Variants in LDLRAD4 observed in about 807,000 individuals in gnomAD.
LDLRAD4 encodes the protein low-density lipoprotein receptor class A domain-containing protein 4.
A neutral mutation model predicts 17.0 loss-of-function variants in LDLRAD4; 5 were observed. That is an observed-to-expected ratio of 0.29 (90% confidence interval 0.15 to 0.62). LDLRAD4 has a LOEUF of 0.62. LDLRAD4 is among the 20% of genes least tolerant of loss of function. The probability of loss-of-function intolerance (pLI) is 0.84; values close to 1 mark genes in which losing one functional copy is unlikely to be tolerated. For missense variants in LDLRAD4, 340 were observed against 424.7 expected (o/e 0.80, Z 1.75); for synonymous variants, 168 against 171.8 (o/e 0.98, Z 0.17).
chr18:13,529,495 TAGAA>T (rs1407803168), intron 3 of LDLRAD4, among the ~76,000 whole-genome samples: 7 of 152,192 alleles, frequency 4.6e-5, no homozygotes, highest in Admixed American at 1.3e-4. Flanking sequence ...GCAAGACTTT[TAGAA>T]AGCCCTGTAG....
chr18:13,530,851 G>A (rs908520853), intron 3 of LDLRAD4, among the ~76,000 whole-genome samples: 3 of 138,418 alleles, frequency 2.2e-5, no homozygotes, highest in Non-Finnish European at 4.7e-5. Flanking sequence ...AGCAGCCCCC[G>A]CAGATGTCCC....
At chr18:13,316,671 T>G (rs935203513) in intron 1 of LDLRAD4, among the ~76,000 whole-genome samples, 4 of 151,928 alleles carry the variant, frequency 2.6e-5, no homozygotes, top group African/African-American at 9.7e-5. Context: ...ACGTGGAGGG[T>G]GGGTGCTGCT....
At chr18:13,392,214 C>T (rs529772712) in intron 2 of LDLRAD4, among the ~76,000 whole-genome samples, 16 of 152,370 alleles carry the variant, frequency 1.1e-4, no homozygotes, top group East Asian at 9.6e-4. Flanking sequence ...GTGTCCTCCA[C>T]GGTTCAGCTG....
At chr18:13,383,751 G>T (rs964651168) in intron 1 of LDLRAD4, among the ~76,000 whole-genome samples, 1 of 152,028 alleles carries the variant, frequency 6.6e-6, no homozygotes, top group Non-Finnish European at 1.5e-5. Context: ...CCCACCCTGC[G>T]CTGCCTGTTG....
At chr18:13,470,501 C>T (rs768168935) in intron 3 of LDLRAD4, among the ~76,000 whole-genome samples, 1 of 149,654 alleles carries the variant, frequency 6.7e-6, no homozygotes, top group Non-Finnish European at 1.5e-5. Flanking sequence ...AGCAAAATAG[C>T]CAATGTCCTG....
At chr18:13,571,671 C>T (rs2094692829) in intron 3 of LDLRAD4, among the ~76,000 whole-genome samples, 1 of 152,154 alleles carries the variant, frequency 6.6e-6, no homozygotes, top group African/African-American at 2.4e-5. Flanking sequence ...GATTCTCGCT[C>T]TGTTGCCCAG....
intron 3 of LDLRAD4, among the ~76,000 whole-genome samples, chr18:13,588,650 C>G (rs1311598031): frequency 6.6e-6 from 1 of 152,066 alleles, no homozygotes; most frequent in East Asian, 1.9e-4. Context: ...TGCTACTCGC[C>G]GGGTGTTTTT....
At chr18:13,423,541 T>C (rs2089671460) in intron 2 of LDLRAD4, 1 of 152,056 alleles carries the variant, frequency 6.6e-6, no homozygotes, top group South Asian at 2.1e-4. Context: ...CATTTCTCAC[T>C]GTGCTGTGTC....
At chr18:13,541,350 T>G (rs368133400) in intron 3 of LDLRAD4, among the ~76,000 whole-genome samples, 1 of 152,186 alleles carries the variant, frequency 6.6e-6, no homozygotes, top group East Asian at 1.9e-4. Flanking sequence ...AATAGGGACT[T>G]GGTTAAAGAA....
intron 1 of LDLRAD4, among the ~76,000 whole-genome samples, chr18:13,271,762 T>C (rs1599029777): frequency 1.3e-5 from 2 of 152,152 alleles, no homozygotes; most frequent in East Asian, 3.9e-4. Context: ...TAGTTGACAT[T>C]AGGCACATAG....
intron 1 of LDLRAD4, among the ~76,000 whole-genome samples, chr18:13,378,164 T>C (rs1568071500): frequency 6.6e-6 from 1 of 152,172 alleles, no homozygotes; most frequent in Admixed American, 6.5e-5. Flanking sequence ...TTGGCTGTTA[T>C]ATCGCTGATC....
intron 3 of LDLRAD4, among the ~76,000 whole-genome samples, chr18:13,602,539 C>T (rs2095176419): frequency 6.8e-6 from 1 of 147,072 alleles, no homozygotes; most frequent in Non-Finnish European, 1.5e-5. Flanking sequence ...CACTCTGTCA[C>T]CCAGGCTGGA....
chr18:13,300,238 G>A lies in LDLRAD4; in HGVS notation c.-383+22050G>A, dbSNP rs1176150129. Reference sequence around the variant, plus strand: ...AGTTGGAGTCTGTCCAGGCACAGCAGAGAGCCAGGCCCGCAGAGGGGGCCG... The same window carrying A: ...AGTTGGAGTCTGTCCAGGCACAGCAAAGAGCCAGGCCCGCAGAGGGGGCCG... On this transcript the variant is annotated intron_variant, in intron 1 of 5. Coordinates refer to ENST00000359446, the Ensembl canonical transcript of LDLRAD4. The surrounding 1 kb of genome is among the most constrained non-coding windows in gnomAD (Gnocchi z 4.2). Among the ~76,000 whole-genome samples the A allele has an allele frequency of 6.6e-6, 1 of 152,222 alleles. No individual in the cohort carries two copies. Among genetic ancestry groups the A allele is most frequent in the East Asian group, 1.9e-4 (1 of 5,198 alleles).
chr18:13,269,360 G>T (rs1252794976), intron 1 of LDLRAD4, among the ~76,000 whole-genome samples: 1 of 152,156 alleles, frequency 6.6e-6, no homozygotes, highest in Non-Finnish European at 1.5e-5. Context: ...AGAGGAACTT[G>T]GTAATTTTTT....
rs1230243190 is a variant in LDLRAD4, at chr18:13,224,162, A to G, written c.-467+5174A>G. Among the ~76,000 whole-genome samples, 3 of 152,226 alleles carry G rather than the reference A, an allele frequency of 2.0e-5. No homozygotes were observed. The East Asian group carries it at 5.8e-4, about 29-fold the overall frequency. On this transcript the variant is annotated intron_variant, in intron 1 of 5. Coordinates refer to the LDLRAD4 transcript ENST00000399848. The stretch of plus-strand genomic sequence containing the variant: ...TGTGGCAAGAGCCTCAGTTATGAGC[A>G]CTGGACCATGGCAGCTTTGTCTCTG...
chr18:13,338,088 CT>C (rs2082193211), intron 1 of LDLRAD4, among the ~76,000 whole-genome samples: 1 of 152,214 alleles, frequency 6.6e-6, no homozygotes, highest in South Asian at 2.1e-4. Context: ...TTTCCCTTCT[CT>C]TTCCCTTCTC....
chr18:13,612,047 G>A (rs938536464), intron 3 of LDLRAD4: 14 of 985,562 alleles, frequency 1.4e-5, no homozygotes, highest in Non-Finnish European at 1.7e-5. Context: ...CGTCCCGCCT[G>A]TCGCGTGTCC....
intron 3 of LDLRAD4, among the ~76,000 whole-genome samples, chr18:13,485,476 T>C (rs981608208): frequency 6.6e-6 from 1 of 152,164 alleles, no homozygotes. Flanking sequence ...GCCAGGGACA[T>C]GTATAGGGCA....
At chr18:13,438,184 A>C in intron 2 of LDLRAD4, 60 bp from the exon 4 acceptor site, 2 of 1,534,718 alleles carry the variant, frequency 1.3e-6, no homozygotes, top group Non-Finnish European at 1.8e-6. Context: ...AACGACAGTC[A>C]CAGCTCAAGA....
Sources: allele counts gnomAD v4.1 joint callset (sites outside exome capture counted in the v4.1 genomes callset), GRCh38; gene constraint gnomAD v4.1.1; non-coding constraint Gnocchi (gnomAD v3.1); transcripts MANE v1.5; gene names NCBI Gene and HGNC (gene_info 2026-07-23, HGNC 2026-07-21).